COL6A2: variants seen among roughly 807,000 people sequenced by gnomAD.
COL6A2 encodes collagen type VI alpha 2 chain.
COL6A2 carries 90 observed loss-of-function variants against 124.9 expected under a neutral mutation model. That is an observed-to-expected ratio of 0.72 (90% CI 0.61 to 0.86). The LOEUF is 0.86. Among genes scored for constraint, COL6A2 ranks in the 40% least tolerant of loss-of-function variants. The pLI is 0.00. For missense variants in COL6A2, 1,607 were observed against 1,502.5 expected (o/e 1.07, Z -1.15); for synonymous variants, 793 against 618.2 (o/e 1.28, Z -4.19).
At position 46,132,474 on chromosome 21, in the gene COL6A2, C is replaced by T. The variant is rs145460820; in HGVS notation, c.2982C>T (p.Ala994=). 3.3e-4 allele frequency: 537 copies of T among 1,606,538 alleles called. 1 individual carries two copies. The highest frequency in any genetic ancestry group is 9.0e-4 in the South Asian group (82 of 90,958). ...CCACGCTCAGCCTGGGTGACCGCGC[C>T]GCCGTGTTCCACGAGAAGGACTATG... is the stretch of plus-strand genomic sequence containing the variant. ...VLTTLSLGDR[A]AVFHEKDYDS... is the part of the protein sequence containing the mutation. The change falls in exon 28 of 28, where the codon GCC becomes GCT. Residue 994 remains alanine (A), a synonymous_variant. Transcript: ENST00000300527.
At position 46,125,620 on chromosome 21, in the gene COL6A2, C is replaced by T. The variant is rs770618804; in HGVS notation, c.1969+3C>T. ...TAAGGACCCCAAGTCCGAGACAGGT[C>T]AGCGGGGCAGGGGCGGGTGCAGCAT... On this transcript the variant is annotated splice_donor_region_variant and intron_variant, in intron 25 of 27. Transcript: ENST00000300527. 6.2e-7 allele frequency: 1 copy of T among 1,611,734 alleles called. No homozygotes were observed. The highest frequency in any genetic ancestry group is 1.1e-5 in the South Asian group (1 of 91,018).
chr21:46,115,642 C>T (rs927696410), intron 5 of COL6A2, among the ~76,000 whole-genome samples: 3 of 152,184 alleles, frequency 2.0e-5, no homozygotes, highest in Non-Finnish European at 4.4e-5. Flanking sequence ...CTCCATTTTG[C>T]AGGTGGCTTT....
At position 46,116,505 on chromosome 21, in the gene COL6A2, C is replaced by T; in HGVS notation, c.927+102C>T. The T allele has an allele frequency of 6.3e-7, 1 of 1,581,270 alleles. No homozygotes were observed. Among genetic ancestry groups the T allele is most frequent in the South Asian group, 1.1e-5 (1 of 89,868 alleles). On this transcript the variant is annotated intron_variant, in intron 8 of 27. Coordinates refer to ENST00000300527, the MANE Select transcript of COL6A2 (RefSeq NM_001849.4). This position sits in a 1 kb window ranked among gnomAD's most constrained non-coding sequence, Gnocchi z 4.6. ...CTGTCACTGCTCCTGGGGCACCGGC[C>T]TGGTCTTTTCTCAGTGGTGGCTTTG...
intron 11 of COL6A2, 129 bp from the exon 12 acceptor site, chr21:46,117,745 C>T (rs2078495172): frequency 1.1e-6 from 1 of 889,562 alleles, no homozygotes. Flanking sequence ...CTCTTGGTCA[C>T]TGAGCCTGGG....
At chr21:46,103,353 T>C (rs572753760) in intron 1 of COL6A2, among the ~76,000 whole-genome samples, 1 of 152,310 alleles carries the variant, frequency 6.6e-6, no homozygotes, top group East Asian at 1.9e-4. Flanking sequence ...TCAATTCTGT[T>C]ATCTTTTCAA....
intron 21 of COL6A2, among the ~76,000 whole-genome samples, chr21:46,123,371 T>C (rs1461815319): frequency 1.3e-5 from 2 of 148,924 alleles, no homozygotes; most frequent in African/African-American, 5.0e-5. Context: ...TCCCCAAGGG[T>C]TCCCTCCCCA....
intron 27 of COL6A2, among the ~76,000 whole-genome samples, chr21:46,131,067 A>G (rs1236309822): frequency 6.6e-6 from 1 of 152,196 alleles, no homozygotes; most frequent in African/African-American, 2.4e-5. Flanking sequence ...CTGGGGGTCC[A>G]TGTACCAGCT....
At chr21:46,110,643 C>T (rs888381920) in intron 1 of COL6A2, among the ~76,000 whole-genome samples, 5 of 152,196 alleles carry the variant, frequency 3.3e-5, no homozygotes, top group African/African-American at 1.2e-4. Context: ...CTTGGACACT[C>T]CTCCCATCTG....
rs766915366 is a variant in COL6A2, at chr21:46,125,456, C to T, written c.1817-9C>T. ...CCGGTACCCCCCGATGACCCTGCCA[C>T]CCCCCCAGACTGTGAGAAGCGCTGT... On this transcript the variant is annotated splice_polypyrimidine_tract_variant and intron_variant, in intron 24 of 27. Coordinates refer to ENST00000300527, the MANE Select transcript of COL6A2 (RefSeq NM_001849.4). 3.2e-6 allele frequency: 5 copies of T among 1,576,926 alleles called. No homozygotes were observed. Among genetic ancestry groups the T allele is most frequent in the East Asian group, 4.8e-5 (2 of 41,878 alleles).
At position 46,120,469 on chromosome 21, in the gene COL6A2, G is replaced by A. The variant is rs372777510; in HGVS notation, c.1333-46G>A. The A allele has an allele frequency of 1.1e-4, 168 of 1,480,696 alleles. 1 individual carries two copies. The African/African-American group carries it at 1.2e-3, about 11-fold the overall frequency. 91.7% of individuals were successfully genotyped at this position (1,480,696 alleles called of 1,614,324 possible). ...CCGCCTCTCACATGGGACCCAGGCC[G>A]GAGGCCTCAGCTGAGACCCGTGGGG... On this transcript the variant is annotated intron_variant, in intron 15 of 27. Transcript: ENST00000300527.
chr21:46,109,385 G>A (rs1163722378), intron 1 of COL6A2, among the ~76,000 whole-genome samples: 1 of 152,196 alleles, frequency 6.6e-6, no homozygotes, highest in Non-Finnish European at 1.5e-5. Context: ...GTGCAGCCAT[G>A]TGCAGGCCCA....
At chr21:46,110,733 G>A (rs1315940495) in intron 1 of COL6A2, among the ~76,000 whole-genome samples, 7 of 151,048 alleles carry the variant, frequency 4.6e-5, no homozygotes, top group Non-Finnish European at 1.0e-4. Flanking sequence ...TGCCCTTTCT[G>A]CCCAGCTGCC....
chr21:46,120,612 G>A, intron 16 of COL6A2, 35 bp downstream of exon 16: 1 of 1,442,150 alleles, frequency 6.9e-7, no homozygotes, highest in South Asian at 1.5e-5. Context: ...CCCAAGGTAG[G>A]GGATCTGAGG....
At chr21:46,128,317 C>T (rs539345495) in intron 27 of COL6A2, among the ~76,000 whole-genome samples, 18 of 152,340 alleles carry the variant, frequency 1.2e-4, no homozygotes, top group African/African-American at 3.6e-4. Flanking sequence ...ACCTCATCCC[C>T]GACACTCAGA....
chr21:46,106,869 T>G (rs570944605), intron 1 of COL6A2, among the ~76,000 whole-genome samples: 2 of 152,332 alleles, frequency 1.3e-5, no homozygotes, highest in African/African-American at 4.8e-5. Context: ...TCTTCTTGCT[T>G]TTTCTACCAA....
Position 46,125,052 on chromosome 21 carries a change from C to G in COL6A2, c.1770+132C>G. 3 of 1,260,030 alleles carry G rather than the reference C, an allele frequency of 2.4e-6. No individual in the cohort carries two copies. In the South Asian group the frequency reaches 3.6e-5, roughly 15 times the overall value. The allele number at this position is 1,260,030 out of a possible 1,614,324, so 78.1% of individuals were successfully genotyped here. ...AGTGGAGGAGGTCAGAGGGCAAGGT[C>G]AGAGAGCAAGCTTGGTTGGGGAAGG... On this transcript the variant is annotated intron_variant, in intron 23 of 27. Coordinates refer to ENST00000300527, the MANE Select transcript of COL6A2 (RefSeq NM_001849.4).
In COL6A2 at chr21:46,114,060, A is replaced by C; in HGVS notation, c.788A>C (p.Tyr263Ser). 6.2e-7 allele frequency: 1 copy of C among 1,613,550 alleles called. No homozygotes were observed. ...EIPGPSGPKG[Y>S]RGQKGAKGNM... ...CCTGGGCCCTCTGGCCCCAAGGGCT[A>C]CCGTGGACAGAAGGTAAGATGCCCA... The change falls in exon 5 of 28, where the codon TAC (tyrosine) becomes TCC (serine). Residue 263 changes from tyrosine to serine, a missense_variant. Coordinates refer to ENST00000300527, the MANE Select transcript of COL6A2 (RefSeq NM_001849.4).
chr21:46,117,473 C>A lies in COL6A2; in HGVS notation c.1053+20C>A. 6.2e-7 allele frequency: 1 copy of A among 1,611,750 alleles called. No individual in the cohort carries two copies. The highest frequency in any genetic ancestry group is 8.5e-7 in the Non-Finnish European group (1 of 1,179,246). ...AACCGGGTAAGGGCCGTTTGCACCC[C>A]TCCTTCAGCCTCGGCCCAGGGGGTG... is the stretch of plus-strand genomic sequence containing the variant. On this transcript the variant is annotated intron_variant, in intron 11 of 27. Coordinates refer to ENST00000300527, the MANE Select transcript of COL6A2 (RefSeq NM_001849.4).
intron 11 of COL6A2, 69 bp from the exon 12 acceptor site, chr21:46,117,805 T>G (rs2078496633): frequency 2.6e-6 from 4 of 1,513,310 alleles, no homozygotes; most frequent in Admixed American, 1.9e-5. Flanking sequence ...AATGGAGCAC[T>G]TGGGCCCTGG....
Sources: allele counts gnomAD v4.1 joint callset (sites outside exome capture counted in the v4.1 genomes callset), GRCh38; gene constraint gnomAD v4.1.1; non-coding constraint Gnocchi (gnomAD v3.1); transcripts MANE v1.5; gene names NCBI Gene and HGNC (gene_info 2026-07-23, HGNC 2026-07-21).